C12orf42: variants seen among roughly 807,000 people sequenced by gnomAD.
The protein encoded by C12orf42 is chromosome 12 open reading frame 42, also known as uncharacterized protein C12orf42.
Under a neutral mutation model 21.6 loss-of-function variants are expected in C12orf42, and 25 were observed. The observed-to-expected ratio is 1.16, with a 90% confidence interval of 0.84 to 1.62. The LOEUF is 1.62. Among genes scored for constraint, C12orf42 ranks in the 40% most tolerant of loss-of-function variants. C12orf42 has a pLI of 0.00. For synonymous variants in C12orf42, 174 were observed against 175.0 expected, an observed-to-expected ratio of 0.99 and a Z score of 0.05; for missense variants, 483 against 459.3, an observed-to-expected ratio of 1.05 and a Z score of -0.47.
At chr12:103,158,912 C>T in the C12orf42 span, among the ~76,000 whole-genome samples, 1 of 150,912 alleles carries the variant, frequency 6.6e-6, no homozygotes, top group Non-Finnish European at 1.5e-5. Context: ...TCTAGATATC[C>T]TAAAGCTGAT....
intron 2 of C12orf42, among the ~76,000 whole-genome samples, chr12:103,429,824 C>T (rs1883214886): frequency 6.6e-6 from 1 of 152,150 alleles, no homozygotes; most frequent in African/African-American, 2.4e-5. Flanking sequence ...CACATATCTA[C>T]AACCATCTGA....
chr12:103,387,859 G>A (rs567785991), intron 3 of C12orf42, among the ~76,000 whole-genome samples: 15 of 152,252 alleles, frequency 9.9e-5, no homozygotes, highest in South Asian at 4.1e-4. Flanking sequence ...GTCCTGAGAC[G>A]TCCCTCTCAC....
At chr12:103,147,568 A>G in the C12orf42 span, among the ~76,000 whole-genome samples, 1 of 23,074 alleles carries the variant, frequency 4.3e-5, no homozygotes, top group Non-Finnish European at 8.5e-5. Context: ...GCTGGTTGTT[A>G]TTGTGTCTCA....
chr12:103,547,212 C>T, the C12orf42 span, among the ~76,000 whole-genome samples: 2 of 152,232 alleles, frequency 1.3e-5, no homozygotes, highest in African/African-American at 4.8e-5. Context: ...TCACTGGCTA[C>T]ATAATGGCTA....
At chr12:103,425,923 A>G (rs895809632) in intron 2 of C12orf42, among the ~76,000 whole-genome samples, 2 of 152,148 alleles carry the variant, frequency 1.3e-5, no homozygotes, top group Admixed American at 6.6e-5. Flanking sequence ...CCACCAACTC[A>G]AAAAAGGACG....
chr12:103,149,663 G>C, the C12orf42 span, among the ~76,000 whole-genome samples: 1 of 152,132 alleles, frequency 6.6e-6, no homozygotes, highest in African/African-American at 2.4e-5. Flanking sequence ...TCCCCTTCTC[G>C]CACTTCTCCC....
the C12orf42 span, among the ~76,000 whole-genome samples, chr12:103,508,736 G>A: frequency 1.3e-5 from 2 of 152,106 alleles, no homozygotes; most frequent in Non-Finnish European, 2.9e-5. Flanking sequence ...AGTATAGGAT[G>A]GCCAATAACC....
At chr12:103,069,274 CT>C in the C12orf42 span, among the ~76,000 whole-genome samples, 2 of 150,998 alleles carry the variant, frequency 1.3e-5, no homozygotes, top group Non-Finnish European at 2.9e-5. Context: ...AATATATTTC[CT>C]TGGATATTTT....
At chr12:103,288,355 A>C (rs1325112481) in intron 4 of C12orf42, among the ~76,000 whole-genome samples, 1 of 152,194 alleles carries the variant, frequency 6.6e-6, no homozygotes, top group African/African-American at 2.4e-5. Context: ...TCTGAGTAAA[A>C]CAAACAAAAT....
the C12orf42 span, among the ~76,000 whole-genome samples, chr12:103,127,427 T>C: frequency 6.6e-6 from 1 of 152,176 alleles, no homozygotes; most frequent in Non-Finnish European, 1.5e-5. Flanking sequence ...CTGTGGTCTA[T>C]AACATGATCA....
chr12:103,507,944 C>T, the C12orf42 span, among the ~76,000 whole-genome samples: 2 of 152,146 alleles, frequency 1.3e-5, no homozygotes. Flanking sequence ...ACCCCGACTA[C>T]CGTAGCTATT....
chr12:103,387,232 A>G (rs2046688230), intron 3 of C12orf42, among the ~76,000 whole-genome samples: 1 of 152,090 alleles, frequency 6.6e-6, no homozygotes, highest in Non-Finnish European at 1.5e-5. Flanking sequence ...CTATTGCCTC[A>G]AGATCTTTGC....
intron 10 of C12orf42, among the ~76,000 whole-genome samples, chr12:103,252,584 GA>G (rs1447131172): frequency 2.6e-5 from 4 of 152,054 alleles, no homozygotes; most frequent in African/African-American, 9.7e-5. Context: ...TGGCCACATA[GA>G]TGTCTTCTTT....
the C12orf42 span, among the ~76,000 whole-genome samples, chr12:103,222,690 T>C: frequency 1.2e-4 from 19 of 152,252 alleles, no homozygotes; most frequent in Admixed American, 1.2e-3. Flanking sequence ...AAATACTTTC[T>C]ATACAAATGT....
the C12orf42 span, among the ~76,000 whole-genome samples, chr12:103,123,466 A>G: frequency 6.6e-6 from 1 of 152,148 alleles, no homozygotes; most frequent in Non-Finnish European, 1.5e-5. Context: ...ATAGGCAAAA[A>G]AAACATGACC....
At chr12:103,390,933 T>A (rs1285412217) in intron 3 of C12orf42, among the ~76,000 whole-genome samples, 2 of 152,322 alleles carry the variant, frequency 1.3e-5, no homozygotes, top group South Asian at 2.1e-4. Flanking sequence ...GCTAATCTCT[T>A]TTAAAAATGT....
intron 4 of C12orf42, among the ~76,000 whole-genome samples, chr12:103,345,149 G>A (rs2042505526): frequency 6.6e-6 from 1 of 152,096 alleles, no homozygotes; most frequent in South Asian, 2.1e-4. Flanking sequence ...CCCTCATAAG[G>A]ATTTTTGGGA....
At chr12:103,393,436 C>A (rs572336322) in intron 3 of C12orf42, among the ~76,000 whole-genome samples, 5 of 152,306 alleles carry the variant, frequency 3.3e-5, no homozygotes, top group Admixed American at 2.6e-4. Context: ...ACCCAAACAC[C>A]TCCCACCAGT....
At chr12:103,492,913 T>C in intron 1 of C12orf42, among the ~76,000 whole-genome samples, 1 of 152,170 alleles carries the variant, frequency 6.6e-6, no homozygotes, top group South Asian at 2.1e-4. Context: ...TCCCTTTCCC[T>C]CTTCACCCCA....
Sources: allele counts gnomAD v4.1 joint callset (sites outside exome capture counted in the v4.1 genomes callset), GRCh38; gene constraint gnomAD v4.1.1; transcripts MANE v1.5; gene names NCBI Gene and HGNC (gene_info 2026-07-23, HGNC 2026-07-21).